Variants in DOCK1 observed in about 807,000 individuals in gnomAD.
DOCK1 encodes dedicator of cytokinesis 1.
DOCK1 carries 138 observed loss-of-function variants against 262.7 expected under a neutral mutation model. The ratio of observed to expected loss-of-function variants is 0.53; its 90% confidence interval spans 0.46 to 0.61. The LOEUF is 0.61. Among genes scored for constraint, DOCK1 ranks in the 20% least tolerant of loss-of-function variants. The pLI, the probability that DOCK1 is intolerant of heterozygous loss-of-function variation, is 0.00. For missense variants in DOCK1, 1,908 were observed against 2,370.7 expected, an observed-to-expected ratio of 0.80 and a Z score of 4.05; for synonymous variants, 866 against 867.4, an observed-to-expected ratio of 1.00 and a Z score of 0.03.
At position 127,339,732 on chromosome 10, in the gene DOCK1, T is replaced by TGTGTGTGTGTGTGTGTGC. The variant is rs1243468884; in HGVS notation, c.3123+651_3123+652insTGTGTGTGTGTGTGCGTG. ...GTGTGTGTGTGTGTGTGTGTGTGTG[T>TGTGTGTGTGTGTGTGTGC]GTGCATGCTGTAAGGATTGATTTTG... On this transcript the variant is annotated intron_variant, in intron 30 of 51. Coordinates refer to ENST00000623213, the MANE Select transcript of DOCK1 (RefSeq NM_001290223.2). Among the ~76,000 whole-genome samples, 43 of 40,322 alleles carry TGTGTGTGTGTGTGTGTGC rather than the reference T, an allele frequency of 1.1e-3. 1 individual carries two copies. In the Admixed American group the frequency reaches 0.011, roughly 11 times the overall value. The allele number at this position is 40,322 out of a possible 152,430, so 26.5% of individuals were successfully genotyped here. A position where few individuals can be genotyped will look rare whatever the true frequency, so the allele number is the denominator to read the frequency against.
chr10:126,927,210 T>C (rs1257661877), intron 1 of DOCK1, among the ~76,000 whole-genome samples: 1 of 152,162 alleles, frequency 6.6e-6, no homozygotes, highest in Non-Finnish European at 1.5e-5. Flanking sequence ...TGTGTGACCA[T>C]GATAGCAGAT....
chr10:126,941,950 A>G (rs2134259594), intron 1 of DOCK1, among the ~76,000 whole-genome samples: 2 of 152,316 alleles, frequency 1.3e-5, no homozygotes, highest in East Asian at 3.9e-4. Flanking sequence ...CTTTGTTTAA[A>G]GGATTCTAAA....
At chr10:127,209,782 G>A (rs4751074) in intron 27 of DOCK1, among the ~76,000 whole-genome samples, 49,260 of 151,982 alleles carry the variant, frequency 0.32, 8,160 homozygotes, top group East Asian at 0.43. Flanking sequence ...AGAATTTATG[G>A]AAAGAACTTT....
intron 29 of DOCK1, among the ~76,000 whole-genome samples, chr10:127,286,865 T>C (rs1016148395): frequency 6.6e-6 from 1 of 151,528 alleles, no homozygotes; most frequent in Non-Finnish European, 1.5e-5. Context: ...CTACTTTTTT[T>C]CTTTTTTTTT....
At chr10:126,928,004 G>A (rs1401130332) in intron 1 of DOCK1, among the ~76,000 whole-genome samples, 1 of 152,100 alleles carries the variant, frequency 6.6e-6, no homozygotes, top group African/African-American at 2.4e-5. Flanking sequence ...GCCAGTGAGG[G>A]GTGTATTGTT....
chr10:127,362,052 C>CT lies in DOCK1; in HGVS notation c.3284-6dup, dbSNP rs755923997. 6.2e-5 allele frequency: 99 copies of CT among 1,597,800 alleles called. No individual in the cohort carries two copies. The highest frequency in any genetic ancestry group is 8.1e-5 in the Non-Finnish European group (95 of 1,174,020). ...TTCTTTATTTCTGAATATTGTACCT[C>CT]TTTTTTCCAAGGTCAACACAAGATA... On this transcript the variant is annotated splice_polypyrimidine_tract_variant and intron_variant, in intron 32 of 51. Transcript: ENST00000623213.
chr10:127,245,064 C>T (rs980577657), intron 27 of DOCK1, among the ~76,000 whole-genome samples: 3 of 152,310 alleles, frequency 2.0e-5, no homozygotes, highest in Admixed American at 1.3e-4. Context: ...TTTATCCACC[C>T]TTATAAGCCC....
Position 126,957,288 on chromosome 10 carries a change from A to G in DOCK1, c.47-13414A>G, listed in dbSNP as rs1210665783. Among the ~76,000 whole-genome samples the G allele has an allele frequency of 5.3e-5, 8 of 152,262 alleles. No homozygotes were observed. In the South Asian group the frequency reaches 1.0e-3, roughly 20 times the overall value. On this transcript the variant is annotated intron_variant, in intron 1 of 51. Coordinates refer to ENST00000623213, the MANE Select transcript of DOCK1 (RefSeq NM_001290223.2). ...TCCCTGTCTTCTCCCTCCTGGTTGC[A>G]GTATGGACAGAGGTGTCACCCTTCA...
At chr10:126,992,769 GAC>G (rs1460506711) in intron 6 of DOCK1, among the ~76,000 whole-genome samples, 6 of 130,490 alleles carry the variant, frequency 4.6e-5, no homozygotes, top group East Asian at 4.2e-4. Flanking sequence ...CACACAGACA[GAC>G]ACAGACACAC....
At chr10:126,988,324 C>T (rs778782464) in intron 5 of DOCK1, 1 of 152,134 alleles carries the variant, frequency 6.6e-6, no homozygotes, top group Non-Finnish European at 1.5e-5. Flanking sequence ...AATGTTATTA[C>T]CACCAAGCCA....
chr10:127,216,250 T>C (rs554480086), intron 27 of DOCK1, among the ~76,000 whole-genome samples: 2 of 151,518 alleles, frequency 1.3e-5, no homozygotes, highest in Non-Finnish European at 2.9e-5. Flanking sequence ...AGTACCCAAG[T>C]TAGGAAGTAG....
chr10:127,352,678 C>T (rs1488465010), intron 31 of DOCK1, among the ~76,000 whole-genome samples: 2 of 152,074 alleles, frequency 1.3e-5, no homozygotes, highest in Non-Finnish European at 2.9e-5. Context: ...CTACAACCTC[C>T]GCCGCCCAGG....
At chr10:127,068,885 G>T (rs2046038285) in intron 23 of DOCK1, among the ~76,000 whole-genome samples, 2 of 152,108 alleles carry the variant, frequency 1.3e-5, no homozygotes, top group Admixed American at 1.3e-4. Flanking sequence ...CACACATTTT[G>T]AAAGGTTACA....
rs2055131493 is a variant in DOCK1 at position 127,176,239 on chromosome 10, A to G, written c.2847+48475A>G. The G allele has an allele frequency of 1.2e-6, 2 of 1,614,110 alleles. No homozygotes were observed. Among genetic ancestry groups the G allele is most frequent in the Non-Finnish European group, 8.5e-7 (1 of 1,180,026 alleles). ...TCCCTCTGCTCATTCTGTGCCTCGC[A>G]GATATCCTTAAACCGCACCTGCAGG... On this transcript the variant is annotated intron_variant, in intron 27 of 51. Transcript: ENST00000623213. This position sits in a 1 kb window ranked among gnomAD's most constrained non-coding sequence, Gnocchi z 4.4.
At position 127,434,737 on chromosome 10, in the gene DOCK1, C is replaced by T. The variant is rs557476825; in HGVS notation, c.5060+1309C>T. On this transcript the variant is annotated intron_variant, in intron 48 of 51. Coordinates refer to ENST00000623213, the MANE Select transcript of DOCK1 (RefSeq NM_001290223.2). Reference sequence around the variant, plus strand: ...GCACGATCTCGGCTCACTGCAACCTCCGCCTCCCAGGTTCAAACAATTCTT... The same window carrying T: ...GCACGATCTCGGCTCACTGCAACCTTCGCCTCCCAGGTTCAAACAATTCTT... Among the ~76,000 whole-genome samples the T allele has an allele frequency of 3.9e-5, 6 of 151,970 alleles. No individual in the cohort carries two copies. In the East Asian group the frequency reaches 1.2e-3, roughly 29 times the overall value.
chr10:127,138,842 C>T (rs528563900), intron 27 of DOCK1, among the ~76,000 whole-genome samples: 2 of 152,334 alleles, frequency 1.3e-5, no homozygotes, highest in East Asian at 3.9e-4. Context: ...CCGAAAATTG[C>T]TGTCAACTTG....
At chr10:127,356,021 G>A (rs1025249498) in intron 32 of DOCK1, among the ~76,000 whole-genome samples, 54 of 152,356 alleles carry the variant, frequency 3.5e-4, no homozygotes, top group African/African-American at 1.3e-3. Context: ...CTGCACCATT[G>A]CATCCTTTCT....
chr10:127,004,784 C>CCCA (rs1554970531), intron 10 of DOCK1, among the ~76,000 whole-genome samples: 9 of 98,408 alleles, frequency 9.1e-5, no homozygotes, highest in Non-Finnish European at 1.3e-4. Flanking sequence ...CCCCCCGCCC[C>CCCA]AAAAAAAAGA....
chr10:127,269,953 T>C (rs1436291635), intron 29 of DOCK1, among the ~76,000 whole-genome samples: 1 of 152,208 alleles, frequency 6.6e-6, no homozygotes, highest in East Asian at 1.9e-4. Flanking sequence ...CGCTCAGTTT[T>C]GGTAACAGTA....
Sources: allele counts gnomAD v4.1 joint callset (sites outside exome capture counted in the v4.1 genomes callset), GRCh38; gene constraint gnomAD v4.1.1; non-coding constraint Gnocchi (gnomAD v3.1); transcripts MANE v1.5; gene names NCBI Gene and HGNC (gene_info 2026-07-23, HGNC 2026-07-21).